PDE3B: variants seen among roughly 807,000 people sequenced by gnomAD.
PDE3B encodes the protein phosphodiesterase 3B, also known as cGMP-inhibited 3',5'-cyclic phosphodiesterase 3B.
In PDE3B, 66 loss-of-function variants were observed where a neutral mutation model predicts 116.8. That is an observed-to-expected ratio of 0.56 (90% CI 0.46 to 0.69). The LOEUF is 0.69. Among genes scored for constraint, PDE3B ranks in the 30% least tolerant of loss-of-function variants. The pLI is 0.00. For missense variants in PDE3B, 1,384 were observed against 1,368.1 expected (o/e 1.01, Z -0.18); for synonymous variants, 595 against 533.6 (o/e 1.12, Z -1.59).
chr11:14,801,657 A>G (rs1858769579), intron 4 of PDE3B, among the ~76,000 whole-genome samples: 1 of 152,156 alleles, frequency 6.6e-6, no homozygotes, highest in Admixed American at 6.5e-5. Context: ...CAGAGTTTGA[A>G]AACTGTGCTG....
intron 2 of PDE3B, among the ~76,000 whole-genome samples, chr11:14,778,378 C>G (rs1450080828): frequency 6.6e-6 from 1 of 152,218 alleles, no homozygotes; most frequent in Non-Finnish European, 1.5e-5. Context: ...TCAAGAGGGT[C>G]CCTGACCCCC....
intron 1 of PDE3B, among the ~76,000 whole-genome samples, chr11:14,722,006 TTTG>T: frequency 6.6e-6 from 1 of 151,038 alleles, no homozygotes; most frequent in South Asian, 2.1e-4. Flanking sequence ...GTTCATGTCC[TTTG>T]TAGGGACATG....
At position 14,869,973 on chromosome 11, in the gene PDE3B, A is replaced by G. The variant is rs1342133161; in HGVS notation, c.*313A>G. 1 of 193,954 alleles carries G rather than the reference A, an allele frequency of 5.2e-6. No homozygotes were observed. Among genetic ancestry groups the G allele is most frequent in the Non-Finnish European group, 1.0e-5 (1 of 96,040 alleles). 12.0% of individuals were successfully genotyped at this position (193,954 alleles called of 1,614,324 possible). On this transcript the variant is annotated 3_prime_UTR_variant, in exon 16 of 16. Coordinates refer to ENST00000282096, the MANE Select transcript of PDE3B (RefSeq NM_000922.4). Reference sequence around the variant, plus strand: ...CTGCTTTGCTGGGTAGTGAGCTCTTATTTTTCACTGGGGGTCAGCTATAAC... The same window carrying G: ...CTGCTTTGCTGGGTAGTGAGCTCTTGTTTTTCACTGGGGGTCAGCTATAAC...
chr11:14,878,052 G>C, the PDE3B span: 1 of 1,523,828 alleles, frequency 6.6e-7, no homozygotes, highest in East Asian at 2.3e-5. Flanking sequence ...TACACACATT[G>C]ATTTGATTAA....
intron 10 of PDE3B, among the ~76,000 whole-genome samples, chr11:14,833,738 T>C (rs1859970445): frequency 1.3e-5 from 2 of 152,316 alleles, no homozygotes; most frequent in African/African-American, 4.8e-5. Context: ...CTATAAATAG[T>C]GAATTATTCT....
chr11:14,644,150 G>T lies in PDE3B; in HGVS notation c.75G>T (p.Glu25Asp). The T allele has an allele frequency of 6.3e-7, 1 of 1,592,760 alleles. No homozygotes were observed. The change falls in exon 1 of 16, where the codon GAG becomes GAT. Residue 25 changes from glutamate to aspartate, a missense_variant. Coordinates refer to ENST00000282096, the MANE Select transcript of PDE3B (RefSeq NM_000922.4). The part of the protein sequence containing the change: ...QPPDGAGSPP[E>D]SLRNGYVKSC... ...CGGATGGGGCCGGCTCGCCCCCCGA[G>T]AGTCTGAGGAACGGCTACGTGAAGA...
intron 1 of PDE3B, among the ~76,000 whole-genome samples, chr11:14,712,675 A>C (rs117212288): frequency 6.6e-6 from 1 of 152,100 alleles, no homozygotes; most frequent in East Asian, 1.9e-4. Flanking sequence ...GGGTTTAACT[A>C]TGTTGGGCAG....
At chr11:14,877,840 C>T in the PDE3B span, 6 of 351,438 alleles carry the variant, frequency 1.7e-5, no homozygotes, top group African/African-American at 1.3e-4. Context: ...ACAAGATGCT[C>T]AGCTTAGGGC....
chr11:14,824,622 C>T lies in PDE3B; in HGVS notation c.1807+5413C>T, dbSNP rs747698221. ...GAATGAAAAGGAATGAGCAAAACCT[C>T]TAGAAATATGGGATTGTGTAAAGAG... On this transcript the variant is annotated intron_variant, in intron 7 of 15. Transcript: ENST00000282096. 5.6e-4 allele frequency among the ~76,000 whole-genome samples: 86 copies of T among 152,258 alleles called. 1 individual carries two copies. Among genetic ancestry groups the T allele is most frequent in the Non-Finnish European group, 1.1e-3 (74 of 68,010 alleles).
At chr11:14,858,911 T>G in intron 12 of PDE3B, 132 bp from the exon 13 acceptor site, 1 of 587,358 alleles carries the variant, frequency 1.7e-6, no homozygotes, top group Non-Finnish European at 2.9e-6. Context: ...TTTTCACAGG[T>G]ACTAAAATAC....
At chr11:14,702,111 C>T (rs1028561605) in intron 1 of PDE3B, among the ~76,000 whole-genome samples, 1 of 151,120 alleles carries the variant, frequency 6.6e-6, no homozygotes, top group Non-Finnish European at 1.5e-5. Context: ...TATAGTTTAT[C>T]TCTTAGGCTT....
chr11:14,645,389 C>T (rs1202160663), intron 1 of PDE3B, among the ~76,000 whole-genome samples: 1 of 152,136 alleles, frequency 6.6e-6, no homozygotes. Flanking sequence ...ATTGACTACT[C>T]CCGCTTTTGG....
chr11:14,701,694 T>A (rs891432016), intron 1 of PDE3B, among the ~76,000 whole-genome samples: 5 of 151,784 alleles, frequency 3.3e-5, no homozygotes. Context: ...CTTTCTCCAT[T>A]CTCTTGCTAT....
At chr11:14,867,993 A>G (rs1232658351) in intron 15 of PDE3B, among the ~76,000 whole-genome samples, 1 of 152,168 alleles carries the variant, frequency 6.6e-6, no homozygotes, top group East Asian at 1.9e-4. Flanking sequence ...TTGAATAGGG[A>G]TATTCAACCT....
intron 1 of PDE3B, among the ~76,000 whole-genome samples, chr11:14,654,988 T>C (rs1853672403): frequency 6.6e-6 from 1 of 151,948 alleles, no homozygotes; most frequent in Non-Finnish European, 1.5e-5. Context: ...GGACAAATAC[T>C]TAAAGCATGT....
intron 1 of PDE3B, among the ~76,000 whole-genome samples, chr11:14,715,247 C>T (rs1023535467): frequency 4.6e-5 from 7 of 152,084 alleles, no homozygotes; most frequent in South Asian, 2.1e-4. Flanking sequence ...ATGCGGGCTC[C>T]TTTTTGGTTC....
At chr11:14,845,161 C>A (rs981251460) in intron 12 of PDE3B, among the ~76,000 whole-genome samples, 78 of 151,998 alleles carry the variant, frequency 5.1e-4, no homozygotes, top group Non-Finnish European at 4.4e-5. Flanking sequence ...AACGATCAGA[C>A]AGCAGCGTTC....
intron 12 of PDE3B, among the ~76,000 whole-genome samples, chr11:14,854,068 T>C (rs782089323): frequency 1.3e-5 from 2 of 152,200 alleles, no homozygotes; most frequent in Non-Finnish European, 2.9e-5. Context: ...GGAGGATGGG[T>C]ATTATCACCA....
chr11:14,863,536 G>A (rs1443714037), intron 14 of PDE3B, among the ~76,000 whole-genome samples: 2 of 152,154 alleles, frequency 1.3e-5, no homozygotes, highest in Non-Finnish European at 2.9e-5. Flanking sequence ...AGGAAAAAAT[G>A]TTAAGGGCAG....
Sources: gnomAD v4.1 joint callset for allele counts (sites outside exome capture counted in the v4.1 genomes callset) on GRCh38, gnomAD v4.1.1 for gene constraint, MANE v1.5 for transcripts, NCBI Gene and HGNC (gene_info 2026-07-23, HGNC 2026-07-21) for gene names.